RBFOX1: variants seen among roughly 807,000 people sequenced by gnomAD.
The protein encoded by RBFOX1 is RNA binding protein fox-1 homolog 1.
Under a neutral mutation model 57.7 loss-of-function variants are expected in RBFOX1, and 8 were observed. The observed-to-expected ratio is 0.14, with a 90% CI of 0.08 to 0.25. The LOEUF is 0.25. RBFOX1 is among the 10% of genes least tolerant of loss of function. The probability of loss-of-function intolerance (pLI) is 1.00; values close to 1 mark genes in which losing one functional copy is unlikely to be tolerated. For synonymous variants in RBFOX1, 326 were observed against 222.4 expected (o/e 1.47, Z -4.15); for missense variants, 611 against 548.5 (o/e 1.11, Z -1.14).
chr16:7,269,272 C>G (rs1236994040), intron 4 of RBFOX1, among the ~76,000 whole-genome samples: 1 of 152,136 alleles, frequency 6.6e-6, no homozygotes, highest in African/African-American at 2.4e-5. Context: ...CACACACCTA[C>G]ACCCCTTTTA....
chr16:5,922,306 T>C (rs2058841965), intron 4 of RBFOX1, among the ~76,000 whole-genome samples: 1 of 152,130 alleles, frequency 6.6e-6, no homozygotes, highest in South Asian at 2.1e-4. Context: ...TGGGATCACA[T>C]TTTGACTTGA....
At chr16:7,585,523 T>C (rs1263137021) in intron 6 of RBFOX1, among the ~76,000 whole-genome samples, 2 of 152,196 alleles carry the variant, frequency 1.3e-5, no homozygotes, top group Non-Finnish European at 2.9e-5. Flanking sequence ...TGCTGGTAGT[T>C]CTTTGTTTCA....
At chr16:6,029,428 G>C (rs1276898026) in intron 1 of RBFOX1, among the ~76,000 whole-genome samples, 1 of 152,184 alleles carries the variant, frequency 6.6e-6, no homozygotes. Flanking sequence ...CACACTGAAA[G>C]AGGATAGACT....
chr16:5,708,945 G>C (rs150025826), intron 3 of RBFOX1, among the ~76,000 whole-genome samples: 9 of 152,232 alleles, frequency 5.9e-5, no homozygotes, highest in African/African-American at 2.2e-4. Context: ...ACAAGAACAA[G>C]AAAGAGAGCA....
chr16:5,409,224 C>T (rs1436640662), intron 1 of RBFOX1, among the ~76,000 whole-genome samples: 4 of 152,196 alleles, frequency 2.6e-5, no homozygotes, highest in African/African-American at 9.6e-5. Context: ...GATCAGAAGG[C>T]GATGGCTTGG....
At chr16:6,469,799 C>T (rs528502301) in intron 2 of RBFOX1, among the ~76,000 whole-genome samples, 1 of 152,142 alleles carries the variant, frequency 6.6e-6, no homozygotes, top group Non-Finnish European at 1.5e-5. Flanking sequence ...CCAAGAGTAC[C>T]ATCTTATCTC....
chr16:6,728,519 C>T (rs1387706743), intron 3 of RBFOX1, among the ~76,000 whole-genome samples: 1 of 152,118 alleles, frequency 6.6e-6, no homozygotes, highest in African/African-American at 2.4e-5. Context: ...ATTCTCAACG[C>T]ATCTGAAGTG....
chr16:7,154,751 C>T (rs2076765150), intron 4 of RBFOX1, among the ~76,000 whole-genome samples: 1 of 149,288 alleles, frequency 6.7e-6, no homozygotes, highest in Non-Finnish European at 1.5e-5. Flanking sequence ...GCATGTACCA[C>T]ATGTTGTATA....
At chr16:7,656,172 C>G (rs1444167476) in intron 12 of RBFOX1, among the ~76,000 whole-genome samples, 2 of 152,144 alleles carry the variant, frequency 1.3e-5, no homozygotes, top group Non-Finnish European at 2.9e-5. Context: ...GGAGCCCCAG[C>G]AGGACTAAGA....
chr16:7,477,605 T>A (rs1447684383), intron 4 of RBFOX1, among the ~76,000 whole-genome samples: 1 of 152,140 alleles, frequency 6.6e-6, no homozygotes, highest in Non-Finnish European at 1.5e-5. Context: ...GAGTTTCGTG[T>A]TCCTGGGACC....
At chr16:5,609,120 T>G (rs1466298253) in intron 3 of RBFOX1, among the ~76,000 whole-genome samples, 2 of 152,080 alleles carry the variant, frequency 1.3e-5, no homozygotes, top group Non-Finnish European at 2.9e-5. Context: ...TGCTAAGAAA[T>G]AAAATTATTG....
intron 2 of RBFOX1, among the ~76,000 whole-genome samples, chr16:6,532,854 C>G (rs1000071358): frequency 6.6e-6 from 1 of 152,186 alleles, no homozygotes; most frequent in African/African-American, 2.4e-5. Flanking sequence ...CTCAGACTTT[C>G]CATGTGAATT....
intron 4 of RBFOX1, among the ~76,000 whole-genome samples, chr16:7,238,408 C>G (rs974105883): frequency 3.3e-5 from 5 of 152,152 alleles, no homozygotes; most frequent in Admixed American, 1.3e-4. Context: ...CTGCCCTTGT[C>G]TAAGTTCCCA....
intron 3 of RBFOX1, among the ~76,000 whole-genome samples, chr16:5,765,014 C>T (rs532810383): frequency 1.3e-5 from 2 of 152,110 alleles, no homozygotes; most frequent in African/African-American, 2.4e-5. Context: ...CGCAGGGTAC[C>T]TGATACTGTG....
At chr16:5,774,000 T>C (rs929817333) in intron 3 of RBFOX1, among the ~76,000 whole-genome samples, 8 of 152,196 alleles carry the variant, frequency 5.3e-5, no homozygotes, top group African/African-American at 1.9e-4. Flanking sequence ...CCTGCATTTT[T>C]TCTCTTTTAA....
intron 3 of RBFOX1, among the ~76,000 whole-genome samples, chr16:7,045,961 A>G (rs560546868): frequency 5.9e-4 from 90 of 152,252 alleles, no homozygotes; most frequent in African/African-American, 2.1e-3. Flanking sequence ...CCCGGCCAAG[A>G]TAAACTTTTT....
intron 2 of RBFOX1, among the ~76,000 whole-genome samples, chr16:5,510,054 C>T (rs543839209): frequency 6.6e-6 from 1 of 152,202 alleles, no homozygotes. Flanking sequence ...TGCTCCTTTG[C>T]CTCCTTTGGA....
At chr16:7,581,140 C>T (rs1042089267) in intron 6 of RBFOX1, among the ~76,000 whole-genome samples, 2 of 152,296 alleles carry the variant, frequency 1.3e-5, no homozygotes, top group East Asian at 3.9e-4. Flanking sequence ...GCAGAGCGAG[C>T]ATCCTAATAT....
chr16:7,090,110 C>G (rs1459626498), intron 4 of RBFOX1, among the ~76,000 whole-genome samples: 1 of 152,096 alleles, frequency 6.6e-6, no homozygotes, highest in East Asian at 1.9e-4. Context: ...TGGTTGATAT[C>G]TCTGTTTAAG....
Sources: allele counts gnomAD v4.1 joint callset (sites outside exome capture counted in the v4.1 genomes callset), GRCh38; gene constraint gnomAD v4.1.1; transcripts MANE v1.5; gene names NCBI Gene and HGNC (gene_info 2026-07-23, HGNC 2026-07-21).